The following ATP6V0A4 variants were observed in gnomAD, a reference collection of about 807,000 sequenced individuals.
ATP6V0A4 encodes ATPase H+ transporting V0 subunit a4.
A neutral mutation model predicts 107.3 loss-of-function variants in ATP6V0A4; 86 were observed. The ratio of observed to expected loss-of-function variants is 0.80; its 90% CI spans 0.67 to 0.96. The LOEUF (loss-of-function observed/expected upper bound fraction) is 0.96, where lower values mean the gene tolerates loss of function less well. ATP6V0A4 is among the 40% of genes least tolerant of loss of function. The probability of loss-of-function intolerance (pLI) is 0.00; values close to 1 mark genes in which losing one functional copy is unlikely to be tolerated. For missense variants in ATP6V0A4, 908 were observed against 1,045.6 expected, an observed-to-expected ratio of 0.87 and a Z score of 1.81; for synonymous variants, 353 against 381.4, an observed-to-expected ratio of 0.93 and a Z score of 0.87.
chr7:138,727,735 C>T (rs1229852143), intron 18 of ATP6V0A4, among the ~76,000 whole-genome samples: 1 of 152,186 alleles, frequency 6.6e-6, no homozygotes, highest in Non-Finnish European at 1.5e-5. Flanking sequence ...GCACATTCCG[C>T]TTAATCTTTT....
At chr7:138,754,057 A>G (rs1430856128) in intron 10 of ATP6V0A4, among the ~76,000 whole-genome samples, 1 of 152,222 alleles carries the variant, frequency 6.6e-6, no homozygotes, top group Admixed American at 6.5e-5. Flanking sequence ...TGACGTTTTC[A>G]TAAAATCAAG....
At chr7:138,797,841 G>C (rs1808757799) in intron 1 of ATP6V0A4, 193 bp downstream of exon 1, 1 of 636,242 alleles carries the variant, frequency 1.6e-6, no homozygotes, top group Admixed American at 2.6e-5. Context: ...TTTGCGCTCA[G>C]GGGAGAAGGG....
intron 20 of ATP6V0A4, among the ~76,000 whole-genome samples, chr7:138,715,241 G>A (rs1803977047): frequency 6.6e-6 from 1 of 152,204 alleles, no homozygotes; most frequent in Non-Finnish European, 1.5e-5. Context: ...TCACTCTGTA[G>A]CCCAGGGTGG....
Position 138,747,538 on chromosome 7 carries a change from AG to A in ATP6V0A4, c.1206del (p.Phe403SerfsTer5), listed in dbSNP as rs1002749664. On this transcript the variant is annotated frameshift_variant, in exon 13 of 22. Transcript: ENST00000310018. LOFTEE classifies it high-confidence loss of function. ...NPAPYTIITF[P>X]FLFAVMFGDC... ...TCTCCAAACATCACAGCGAACAGGA[AG>A]GGGAAAGTGATGATGGTGTAGGGGG... The A allele has an allele frequency of 6.2e-7, 1 of 1,614,132 alleles. No individual in the cohort carries two copies. Among genetic ancestry groups the A allele is most frequent in the Non-Finnish European group, 8.5e-7 (1 of 1,180,040 alleles).
intron 2 of ATP6V0A4, among the ~76,000 whole-genome samples, chr7:138,772,703 G>A (rs568280674): frequency 1.4e-4 from 22 of 152,250 alleles, no homozygotes; most frequent in African/African-American, 2.6e-4. Flanking sequence ...CCACCAGCCC[G>A]CACACAGCAT....
intron 7 of ATP6V0A4, among the ~76,000 whole-genome samples, chr7:138,760,444 C>CAAAAAAAAAA (rs570463822): frequency 1.6e-5 from 1 of 60,826 alleles, no homozygotes; most frequent in Non-Finnish European, 3.3e-5. Flanking sequence ...AACTCTGTCT[C>CAAAAAAAAAA]AAAAAAAAAA....
intron 1 of ATP6V0A4, among the ~76,000 whole-genome samples, chr7:138,790,533 G>A (rs1808363423): frequency 6.6e-6 from 1 of 152,198 alleles, no homozygotes; most frequent in African/African-American, 2.4e-5. Context: ...GACCTCAGGT[G>A]ATCAGCCCAC....
Position 138,730,322 on chromosome 7 carries a change from C to G in ATP6V0A4, c.1909-1460G>C, listed in dbSNP as rs114779149. 3.7e-3 allele frequency among the ~76,000 whole-genome samples: 553 copies of G among 149,032 alleles called. 7 individuals carry two copies. Among genetic ancestry groups the G allele is most frequent in the African/African-American group, 0.013 (519 of 40,458 alleles). On this transcript the variant is annotated intron_variant, in intron 17 of 21. Transcript: ENST00000310018. ...ATGCAACAGGATTTTCCCCCGATGA[C>G]GTACAAAGCAACGGGATGAGTGTGT...
chr7:138,779,222 C>T (rs189766983), intron 2 of ATP6V0A4, among the ~76,000 whole-genome samples: 4 of 152,002 alleles, frequency 2.6e-5, no homozygotes, highest in African/African-American at 9.6e-5. Flanking sequence ...TGGTGTGTGC[C>T]TGTGATCCCA....
chr7:138,734,962 C>T (rs756437768), intron 15 of ATP6V0A4, among the ~76,000 whole-genome samples: 30 of 152,094 alleles, frequency 2.0e-4, no homozygotes, highest in Admixed American at 5.2e-4. Flanking sequence ...AGCATTTCCC[C>T]AGACCTTTCT....
At chr7:138,762,483 T>C in intron 6 of ATP6V0A4, 49 bp from the exon 7 acceptor site, 1 of 1,609,140 alleles carries the variant, frequency 6.2e-7, no homozygotes, top group Non-Finnish European at 8.5e-7. Context: ...TTAGGGAAAC[T>C]CAAAAGGCAC....
chr7:138,712,718 C>T (rs1050906560), intron 20 of ATP6V0A4, among the ~76,000 whole-genome samples: 2 of 151,400 alleles, frequency 1.3e-5, no homozygotes, highest in Admixed American at 1.3e-4. Context: ...CAGCCATGAA[C>T]CATATGGGTT....
chr7:138,772,952 A>C (rs1807468724), intron 2 of ATP6V0A4, among the ~76,000 whole-genome samples: 1 of 152,182 alleles, frequency 6.6e-6, no homozygotes, highest in African/African-American at 2.4e-5. Flanking sequence ...GTTGAAGGCC[A>C]CATGAGAGCC....
At chr7:138,722,544 G>A (rs1804473519) in intron 18 of ATP6V0A4, among the ~76,000 whole-genome samples, 2 of 149,662 alleles carry the variant, frequency 1.3e-5, no homozygotes, top group South Asian at 4.2e-4. Context: ...CTCACCTGGG[G>A]TCAGGAGTTC....
At chr7:138,786,533 T>C (rs1808184324) in intron 1 of ATP6V0A4, among the ~76,000 whole-genome samples, 1 of 151,624 alleles carries the variant, frequency 6.6e-6, no homozygotes, top group African/African-American at 2.4e-5. Flanking sequence ...GAACGAAGAT[T>C]GCACCACTGC....
intron 2 of ATP6V0A4, among the ~76,000 whole-genome samples, chr7:138,772,106 T>C (rs1303747054): frequency 6.6e-6 from 1 of 152,188 alleles, no homozygotes; most frequent in Non-Finnish European, 1.5e-5. Context: ...CAGAATGAGA[T>C]TTGGTAATCC....
chr7:138,718,581 G>GCGGTGCAGTCACT (rs1804249715), intron 19 of ATP6V0A4, among the ~76,000 whole-genome samples: 1 of 99,484 alleles, frequency 1.0e-5, no homozygotes, highest in Non-Finnish European at 2.1e-5. Flanking sequence ...GAGAGGCATG[G>GCGGTGCAGTCACT]GGCGGAATGG....
intron 2 of ATP6V0A4, among the ~76,000 whole-genome samples, chr7:138,775,207 C>T (rs963276538): frequency 3.9e-5 from 6 of 152,192 alleles, no homozygotes; most frequent in South Asian, 4.1e-4. Context: ...GGAACCCCTA[C>T]GTACACATTA....
At chr7:138,757,706 G>A (rs1203844287) in intron 8 of ATP6V0A4, among the ~76,000 whole-genome samples, 1 of 152,082 alleles carries the variant, frequency 6.6e-6, no homozygotes, top group Non-Finnish European at 1.5e-5. Context: ...TCTTGAACTT[G>A]TTTATTATGA....
Sources: allele counts gnomAD v4.1 joint callset (sites outside exome capture counted in the v4.1 genomes callset), GRCh38; gene constraint gnomAD v4.1.1; transcripts MANE v1.5; gene names NCBI Gene and HGNC (gene_info 2026-07-23, HGNC 2026-07-21).